CLVS1: variants seen among roughly 807,000 people sequenced by gnomAD.
CLVS1 encodes the protein clavesin 1.
A neutral mutation model predicts 33.1 loss-of-function variants in CLVS1; 10 were observed. The observed-to-expected ratio is 0.30, with a 90% CI of 0.19 to 0.51. The LOEUF is 0.51. Among genes scored for constraint, CLVS1 ranks in the 20% least tolerant of loss-of-function variants. The pLI is 0.97. For missense variants in CLVS1, 343 were observed against 433.4 expected (o/e 0.79, Z 1.85); for synonymous variants, 163 against 166.1 (o/e 0.98, Z 0.14).
intron 1 of CLVS1, among the ~76,000 whole-genome samples, chr8:61,119,888 T>C (rs1805820128): frequency 1.5e-5 from 2 of 134,278 alleles, no homozygotes; most frequent in Non-Finnish European, 3.2e-5. Context: ...TTTGTGGCGT[T>C]CTCTGTATTT....
At chr8:61,023,739 G>A in the CLVS1 span, among the ~76,000 whole-genome samples, 46 of 152,296 alleles carry the variant, frequency 3.0e-4, no homozygotes, top group South Asian at 6.2e-4. Flanking sequence ...GCCCCAGGGT[G>A]GGGGAGAGGC....
intron 2 of CLVS1, among the ~76,000 whole-genome samples, chr8:61,376,085 T>C (rs142071749): frequency 6.6e-6 from 1 of 152,318 alleles, no homozygotes; most frequent in African/African-American, 2.4e-5. Flanking sequence ...AAAAATAGCA[T>C]CAATGGCATG....
chr8:61,185,503 C>T (rs1807328897), intron 2 of CLVS1, among the ~76,000 whole-genome samples: 1 of 152,122 alleles, frequency 6.6e-6, no homozygotes, highest in South Asian at 2.1e-4. Context: ...CAAATGCAGC[C>T]TAATATTTTT....
the CLVS1 span, chr8:60,967,640 G>C: frequency 8.8e-6 from 4 of 455,912 alleles, no homozygotes; most frequent in South Asian, 6.2e-5. Flanking sequence ...TTTATCTCCA[G>C]GGCTTCTCGG....
chr8:61,384,466 T>C (rs1240628166), intron 3 of CLVS1, among the ~76,000 whole-genome samples: 1 of 151,928 alleles, frequency 6.6e-6, no homozygotes, highest in Admixed American at 6.6e-5. Flanking sequence ...AATAACCACA[T>C]AGGAAGAAAG....
the CLVS1 span, among the ~76,000 whole-genome samples, chr8:61,020,018 A>G: frequency 2.0e-5 from 3 of 152,224 alleles, no homozygotes; most frequent in Non-Finnish European, 4.4e-5. Flanking sequence ...GCCTGGACTC[A>G]TTCTCCTCTT....
At chr8:61,480,365 C>T (rs190588213) in intron 5 of CLVS1, among the ~76,000 whole-genome samples, 37 of 152,236 alleles carry the variant, frequency 2.4e-4, no homozygotes, top group African/African-American at 5.5e-4. Flanking sequence ...GCTCCGTGGG[C>T]GTAGGATGCT....
At chr8:61,167,939 A>G (rs1334407376) in intron 2 of CLVS1, among the ~76,000 whole-genome samples, 1 of 152,220 alleles carries the variant, frequency 6.6e-6, no homozygotes, top group Non-Finnish European at 1.5e-5. Context: ...GCATTTCATC[A>G]AGAAATATCC....
At chr8:61,293,545 A>T (rs1363737091) in intron 1 of CLVS1, among the ~76,000 whole-genome samples, 1 of 152,178 alleles carries the variant, frequency 6.6e-6, no homozygotes, top group Non-Finnish European at 1.5e-5. Context: ...ATAGAGTTAC[A>T]CTTAAAAAGA....
chr8:61,240,953 A>G (rs1225149043), intron 2 of CLVS1, among the ~76,000 whole-genome samples: 1 of 146,312 alleles, frequency 6.8e-6, no homozygotes, highest in Non-Finnish European at 1.5e-5. Context: ...TGCTATAACA[A>G]ACTACCATAG....
chr8:61,367,329 C>T (rs1023210695), intron 2 of CLVS1, among the ~76,000 whole-genome samples: 1 of 152,164 alleles, frequency 6.6e-6, no homozygotes, highest in African/African-American at 2.4e-5. Context: ...TTTTCATTTG[C>T]CCCATTGCAC....
At chr8:61,414,260 T>C (rs115110787) in intron 3 of CLVS1, among the ~76,000 whole-genome samples, 3,055 of 152,318 alleles carry the variant, frequency 0.02, 89 homozygotes, top group African/African-American at 0.069. Flanking sequence ...ATGGAATGCA[T>C]AACGTGAGAG....
intron 5 of CLVS1, among the ~76,000 whole-genome samples, chr8:61,480,416 G>T (rs1261351394): frequency 3.9e-5 from 6 of 152,246 alleles, no homozygotes; most frequent in African/African-American, 1.2e-4. Flanking sequence ...TGTGCCGTTT[G>T]TTAAGCCCAT....
intron 2 of CLVS1, among the ~76,000 whole-genome samples, chr8:61,247,887 G>A (rs1400457824): frequency 1.3e-5 from 2 of 152,132 alleles, no homozygotes; most frequent in Non-Finnish European, 2.9e-5. Context: ...GGAGTGCCTA[G>A]GTTGCCTTCC....
At chr8:61,183,283 C>A (rs1807277704) in intron 2 of CLVS1, among the ~76,000 whole-genome samples, 2 of 152,262 alleles carry the variant, frequency 1.3e-5, no homozygotes, top group South Asian at 4.1e-4. Flanking sequence ...TGTAACAAAC[C>A]TGCATGTGCT....
chr8:60,978,016 A>AG, the CLVS1 span, among the ~76,000 whole-genome samples: 1 of 152,256 alleles, frequency 6.6e-6, no homozygotes, highest in African/African-American at 2.4e-5. Flanking sequence ...AAGTCCTGGA[A>AG]GAAAAAACTG....
intron 1 of CLVS1, among the ~76,000 whole-genome samples, chr8:61,065,638 G>GT (rs879929468): frequency 8.5e-5 from 13 of 152,246 alleles, no homozygotes; most frequent in Non-Finnish European, 1.3e-4. Flanking sequence ...AAGAAAATTT[G>GT]TTTTTTGTCT....
the CLVS1 span, among the ~76,000 whole-genome samples, chr8:61,034,371 T>A: frequency 0.3 from 15,367 of 50,766 alleles, 874 homozygotes; most frequent in Middle Eastern, 0.43. Flanking sequence ...ATACTTATCA[T>A]TTTTTTTTTG....
chr8:61,312,230 C>T (rs1426104818), intron 2 of CLVS1, among the ~76,000 whole-genome samples: 1 of 152,162 alleles, frequency 6.6e-6, no homozygotes, highest in Non-Finnish European at 1.5e-5. Context: ...TAACCACCTG[C>T]CAGCTCCCCC....
Sources: gnomAD v4.1 joint callset for allele counts (sites outside exome capture counted in the v4.1 genomes callset) on GRCh38, gnomAD v4.1.1 for gene constraint, MANE v1.5 for transcripts, NCBI Gene and HGNC (gene_info 2026-07-23, HGNC 2026-07-21) for gene names.